Variants in NECAB1 observed in about 807,000 individuals in gnomAD.
NECAB1 encodes the protein N-terminal EF-hand calcium-binding protein 1.
NECAB1 carries 29 observed loss-of-function variants against 57.5 expected under a neutral mutation model. That is an observed-to-expected ratio of 0.50 (90% CI 0.38 to 0.69). The LOEUF is 0.69. NECAB1 is among the 30% of genes least tolerant of loss of function. The pLI, the probability that NECAB1 is intolerant of heterozygous loss-of-function variation, is 0.00. For synonymous variants in NECAB1, 142 were observed against 147.7 expected, an observed-to-expected ratio of 0.96 and a Z score of 0.28; for missense variants, 372 against 413.8, an observed-to-expected ratio of 0.90 and a Z score of 0.88.
intron 10 of NECAB1, among the ~76,000 whole-genome samples, chr8:90,947,059 G>T (rs776680009): frequency 6.6e-6 from 1 of 152,106 alleles, no homozygotes; most frequent in Non-Finnish European, 1.5e-5. Context: ...CTGGAACAGA[G>T]CAATACATGT....
At chr8:90,880,884 T>G in intron 4 of NECAB1, 149 bp from the exon 5 acceptor site, 1 of 578,952 alleles carries the variant, frequency 1.7e-6, no homozygotes, top group Non-Finnish European at 3.1e-6. Context: ...GATTGTCACC[T>G]TATTTAGTCT....
intron 10 of NECAB1, among the ~76,000 whole-genome samples, chr8:90,948,814 C>T (rs1231976018): frequency 2.0e-5 from 3 of 152,118 alleles, no homozygotes; most frequent in Non-Finnish European, 4.4e-5. Context: ...TAATACCCTC[C>T]ATACAAAACC....
At chr8:90,881,995 T>C (rs1808849736) in intron 5 of NECAB1, among the ~76,000 whole-genome samples, 1 of 152,082 alleles carries the variant, frequency 6.6e-6, no homozygotes, top group Non-Finnish European at 1.5e-5. Flanking sequence ...ACAGTAAGGA[T>C]AAAGTACCAA....
At chr8:90,907,263 T>C (rs1470044377) in intron 5 of NECAB1, among the ~76,000 whole-genome samples, 1 of 150,926 alleles carries the variant, frequency 6.6e-6, no homozygotes, top group East Asian at 2.0e-4. Flanking sequence ...ACCATTAAAA[T>C]TCCAGTTAGC....
chr8:90,837,149 G>A (rs1013549728), intron 3 of NECAB1, among the ~76,000 whole-genome samples: 53 of 152,228 alleles, frequency 3.5e-4, no homozygotes, highest in African/African-American at 1.2e-3. Context: ...AGATGCCTGG[G>A]TAATGTGCTG....
intron 6 of NECAB1, among the ~76,000 whole-genome samples, chr8:90,920,557 T>TAGGAACTTTAGGATG (rs1185996847): frequency 1.3e-5 from 2 of 152,190 alleles, no homozygotes; most frequent in Admixed American, 1.3e-4. Context: ...GGATGAATTT[T>TAGGAACTTTAGGATG]AATGGCAGAA....
chr8:90,831,269 C>CT lies in NECAB1; in HGVS notation c.233+6444_233+6445insT, dbSNP rs537330412. Among the ~76,000 whole-genome samples, 338 of 152,176 alleles carry CT rather than the reference C, an allele frequency of 2.2e-3. 1 individual carries two copies. Among genetic ancestry groups the CT allele is most frequent in the Non-Finnish European group, 3.5e-3 (241 of 67,970 alleles). On this transcript the variant is annotated intron_variant, in intron 3 of 12. Transcript: ENST00000417640. ...AGCCTGGCTTAGATCTCATGCATAT[C>CT]CCTGGACAAATCAGCATTTTCAAGA...
intron 7 of NECAB1, among the ~76,000 whole-genome samples, chr8:90,926,122 C>A (rs1327639185): frequency 1.3e-5 from 2 of 152,156 alleles, no homozygotes; most frequent in Non-Finnish European, 2.9e-5. Flanking sequence ...CTGGGCTAAA[C>A]CATACCCATA....
chr8:90,799,886 T>G (rs1811732357), intron 1 of NECAB1, among the ~76,000 whole-genome samples: 1 of 152,228 alleles, frequency 6.6e-6, no homozygotes, highest in Admixed American at 6.5e-5. Context: ...ATGTATACAT[T>G]GCTTTGGGTA....
chr8:90,934,407 ATAATT>A (rs1810482437), intron 9 of NECAB1, 50 bp downstream of exon 9: 9 of 1,209,870 alleles, frequency 7.4e-6, no homozygotes, highest in Non-Finnish European at 4.5e-6. Flanking sequence ...CTTTAAAAAC[ATAATT>A]TAATTTCTTC....
intron 7 of NECAB1, 62 bp from the exon 8 acceptor site, chr8:90,928,161 C>A: frequency 1.6e-6 from 2 of 1,254,232 alleles, no homozygotes; most frequent in East Asian, 2.4e-5. Flanking sequence ...TCTGATATAA[C>A]CAAGCATTTC....
At chr8:90,921,173 T>C (rs1265274213) in intron 6 of NECAB1, among the ~76,000 whole-genome samples, 6 of 152,046 alleles carry the variant, frequency 3.9e-5, no homozygotes, top group African/African-American at 7.2e-5. Context: ...TCTGCCACCA[T>C]GCCCAGCTAA....
At chr8:90,947,297 A>AACTAC (rs781114954) in intron 10 of NECAB1, among the ~76,000 whole-genome samples, 1 of 37,000 alleles carries the variant, frequency 2.7e-5, no homozygotes, top group African/African-American at 4.1e-4. Flanking sequence ...TTGGGCTAAC[A>AACTAC]ACACATACAC....
intron 5 of NECAB1, among the ~76,000 whole-genome samples, chr8:90,890,729 T>A (rs1809142334): frequency 1.3e-5 from 2 of 152,226 alleles, no homozygotes; most frequent in South Asian, 2.1e-4. Context: ...CAGATTTTAA[T>A]GTCTGAAAAT....
chr8:90,844,412 T>C (rs1812516790), intron 3 of NECAB1, among the ~76,000 whole-genome samples: 1 of 152,190 alleles, frequency 6.6e-6, no homozygotes, highest in Admixed American at 6.5e-5. Context: ...AACCAGTCTC[T>C]AGTGCAAGTA....
At chr8:90,922,921 T>C (rs1306141053) in intron 6 of NECAB1, among the ~76,000 whole-genome samples, 1 of 152,024 alleles carries the variant, frequency 6.6e-6, no homozygotes, top group East Asian at 1.9e-4. Flanking sequence ...AGTACCTGGA[T>C]AAAAGGAGGC....
chr8:90,897,530 T>C (rs1212790845), intron 5 of NECAB1, among the ~76,000 whole-genome samples: 1 of 152,212 alleles, frequency 6.6e-6, no homozygotes, highest in Non-Finnish European at 1.5e-5. Flanking sequence ...GGCTATGTCA[T>C]TATATATGTT....
At chr8:90,878,080 A>C (rs577556230) in intron 4 of NECAB1, among the ~76,000 whole-genome samples, 1 of 151,118 alleles carries the variant, frequency 6.6e-6, no homozygotes, top group South Asian at 2.1e-4. Flanking sequence ...TCTGTCACCC[A>C]GGCTGGAGTG....
chr8:90,803,103 G>T (rs754320678), intron 2 of NECAB1, among the ~76,000 whole-genome samples: 2 of 152,020 alleles, frequency 1.3e-5, no homozygotes, highest in Non-Finnish European at 2.9e-5. Context: ...CACCATGTTG[G>T]CCAGGCTAGT....
Sources: gnomAD v4.1 joint callset for allele counts (sites outside exome capture counted in the v4.1 genomes callset) on GRCh38, gnomAD v4.1.1 for gene constraint, MANE v1.5 for transcripts, NCBI Gene and HGNC (gene_info 2026-07-23, HGNC 2026-07-21) for gene names.